AFF3: variants seen among roughly 807,000 people sequenced by gnomAD.
AFF3 encodes ALF transcription elongation factor 3, also known as AF4/FMR2 family member 3.
AFF3 carries 32 observed loss-of-function variants against 129.7 expected under a neutral mutation model. That is an observed-to-expected ratio of 0.25 (90% CI 0.19 to 0.33). The LOEUF (loss-of-function observed/expected upper bound fraction) is 0.33, where lower values mean the gene tolerates loss of function less well. Ranked by LOEUF, AFF3 falls within the 10% of genes least tolerant of loss-of-function variation. The pLI, the probability that AFF3 is intolerant of heterozygous loss-of-function variation, is 1.00. For missense variants in AFF3, 1,373 were observed against 1,592.0 expected, an observed-to-expected ratio of 0.86 and a Z score of 2.34; for synonymous variants, 644 against 635.4, an observed-to-expected ratio of 1.01 and a Z score of -0.20.
At chr2:99,643,619 G>A (rs1023889776) in intron 13 of AFF3, among the ~76,000 whole-genome samples, 14 of 152,176 alleles carry the variant, frequency 9.2e-5, no homozygotes, top group Non-Finnish European at 2.1e-4. Flanking sequence ...GTACACTTCT[G>A]TGCTGGTGGC....
intron 13 of AFF3, among the ~76,000 whole-genome samples, chr2:99,628,287 T>C (rs556389591): frequency 2.6e-5 from 4 of 152,288 alleles, no homozygotes; most frequent in African/African-American, 9.6e-5. Flanking sequence ...CTTCCCTTGT[T>C]AGCTGTATTC....
intron 18 of AFF3, among the ~76,000 whole-genome samples, chr2:99,574,881 C>T (rs917824535): frequency 3.9e-5 from 6 of 152,050 alleles, no homozygotes; most frequent in African/African-American, 7.2e-5. Flanking sequence ...TTACAAATGG[C>T]TGAAGTTCAC....
chr2:100,039,791 TCTTGGAAA>T (rs1685272125), intron 4 of AFF3, among the ~76,000 whole-genome samples: 2 of 152,132 alleles, frequency 1.3e-5, no homozygotes, highest in Admixed American at 6.5e-5. Flanking sequence ...GTTCCCCTCC[TCTTGGAAA>T]CAGTCCCTGA....
intron 10 of AFF3, among the ~76,000 whole-genome samples, chr2:99,732,570 T>C (rs1258462664): frequency 6.6e-6 from 1 of 152,174 alleles, no homozygotes; most frequent in Non-Finnish European, 1.5e-5. Context: ...ATCCTGCATG[T>C]AGCTACAGTT....
chr2:99,821,295 T>A (rs959104218), intron 8 of AFF3, among the ~76,000 whole-genome samples: 2 of 152,192 alleles, frequency 1.3e-5, no homozygotes, highest in Admixed American at 1.3e-4. Flanking sequence ...GAGGCTGTTT[T>A]ACAGGTAACT....
intron 16 of AFF3, among the ~76,000 whole-genome samples, chr2:99,583,704 T>G (rs572976063): frequency 6.7e-6 from 1 of 148,532 alleles, no homozygotes; most frequent in Non-Finnish European, 1.5e-5. Flanking sequence ...TATTTTTTAT[T>G]TTTTTGAGAT....
chr2:99,689,599 A>T (rs747205727), intron 11 of AFF3, among the ~76,000 whole-genome samples: 1 of 136,410 alleles, frequency 7.3e-6, no homozygotes, highest in Non-Finnish European at 1.5e-5. Context: ...GTACTGTCTG[A>T]GCCTTACTCC....
chr2:99,695,231 C>T (rs1676076868), intron 11 of AFF3, among the ~76,000 whole-genome samples: 2 of 152,158 alleles, frequency 1.3e-5, no homozygotes, highest in Non-Finnish European at 2.9e-5. Flanking sequence ...TTGACAGCCG[C>T]GTGTGCCTGG....
At chr2:99,888,958 T>C (rs985385579) in intron 7 of AFF3, among the ~76,000 whole-genome samples, 4 of 152,184 alleles carry the variant, frequency 2.6e-5, no homozygotes, top group African/African-American at 9.7e-5. Context: ...TGGCTTCAAG[T>C]GGTGGACGGA....
intron 19 of AFF3, among the ~76,000 whole-genome samples, chr2:99,566,498 T>C (rs1010730422): frequency 4.6e-5 from 7 of 152,186 alleles, no homozygotes; most frequent in Non-Finnish European, 1.0e-4. Flanking sequence ...CAGTGAGCTA[T>C]GATCGCCCCA....
At chr2:99,612,210 C>T (rs188134792) in intron 13 of AFF3, among the ~76,000 whole-genome samples, 1 of 152,338 alleles carries the variant, frequency 6.6e-6, no homozygotes, top group Admixed American at 6.5e-5. Flanking sequence ...CCAGAACAGG[C>T]AACCACCCAC....
intron 4 of AFF3, among the ~76,000 whole-genome samples, chr2:100,015,932 G>T (rs1224226583): frequency 6.6e-6 from 1 of 152,034 alleles, no homozygotes; most frequent in East Asian, 1.9e-4. Context: ...GGTGATGATG[G>T]TTATGATGGT....
chr2:99,678,682 G>T (rs1215431969), intron 11 of AFF3, among the ~76,000 whole-genome samples: 1 of 152,214 alleles, frequency 6.6e-6, no homozygotes, highest in Non-Finnish European at 1.5e-5. Flanking sequence ...ACCTACGTGA[G>T]ATTTAAAGCC....
intron 12 of AFF3, among the ~76,000 whole-genome samples, chr2:99,659,152 C>A (rs1164441765): frequency 6.6e-6 from 1 of 152,186 alleles, no homozygotes; most frequent in Non-Finnish European, 1.5e-5. Flanking sequence ...GCTGAAGATT[C>A]GCCTGGCAGA....
chr2:99,723,305 C>T (rs1031490050), intron 11 of AFF3, among the ~76,000 whole-genome samples: 3 of 152,246 alleles, frequency 2.0e-5, no homozygotes, highest in East Asian at 3.9e-4. Context: ...CAATCATGAT[C>T]GATCTCCCGT....
intron 2 of AFF3, among the ~76,000 whole-genome samples, chr2:100,113,507 C>A (rs1200815355): frequency 6.6e-6 from 1 of 152,166 alleles, no homozygotes; most frequent in Non-Finnish European, 1.5e-5. Flanking sequence ...TCAGGGAGAT[C>A]TTTCCAGAAA....
intron 7 of AFF3, among the ~76,000 whole-genome samples, chr2:99,911,388 T>C (rs1488854345): frequency 6.8e-6 from 1 of 146,832 alleles, no homozygotes; most frequent in South Asian, 2.1e-4. Context: ...ACTTCATCTC[T>C]GGAAAAAAAA....
intron 7 of AFF3, among the ~76,000 whole-genome samples, chr2:99,986,467 A>C (rs983604282): frequency 6.6e-6 from 1 of 152,088 alleles, no homozygotes; most frequent in Non-Finnish European, 1.5e-5. Flanking sequence ...TAAGTAGCAC[A>C]ATGTTCTAAC....
chr2:100,066,348 A>G (rs1352932854), intron 4 of AFF3, among the ~76,000 whole-genome samples: 1 of 152,162 alleles, frequency 6.6e-6, no homozygotes, highest in African/African-American at 2.4e-5. Context: ...TGGTATCTGA[A>G]TATCTATAGA....
Sources: allele counts gnomAD v4.1 joint callset (sites outside exome capture counted in the v4.1 genomes callset), GRCh38; gene constraint gnomAD v4.1.1; transcripts MANE v1.5; gene names NCBI Gene and HGNC (gene_info 2026-07-23, HGNC 2026-07-21).